The following RGL1 variants were observed in gnomAD, a reference collection of about 807,000 sequenced individuals.
RGL1 encodes ral guanine nucleotide dissociation stimulator-like 1.
In RGL1, 24 loss-of-function variants were observed where a neutral mutation model predicts 95.2. That is an observed-to-expected ratio of 0.25 (90% confidence interval 0.18 to 0.35). The LOEUF is 0.35. RGL1 is among the 10% of genes least tolerant of loss of function. The probability of loss-of-function intolerance (pLI) is 1.00; values close to 1 mark genes in which losing one functional copy is unlikely to be tolerated. For synonymous variants in RGL1, 329 were observed against 344.9 expected, an observed-to-expected ratio of 0.95 and a Z score of 0.51; for missense variants, 715 against 936.3, an observed-to-expected ratio of 0.76 and a Z score of 3.08.
intron 12 of RGL1, 39 bp downstream of exon 12, chr1:183,902,639 A>G (rs1379372394): frequency 1.3e-6 from 2 of 1,583,482 alleles, no homozygotes; most frequent in Non-Finnish European, 1.7e-6. Context: ...TTGTCTGAGC[A>G]TGAAAAAAAT....
chr1:183,758,265 T>C (rs6424910), intron 2 of RGL1, among the ~76,000 whole-genome samples: 67,389 of 151,436 alleles, frequency 0.45, 16,049 homozygotes, highest in East Asian at 0.8. Flanking sequence ...GGCACGATCT[T>C]GGTTCACTGC....
intron 1 of RGL1, among the ~76,000 whole-genome samples, chr1:183,695,166 C>G (rs1654181052): frequency 6.6e-6 from 1 of 152,248 alleles, no homozygotes; most frequent in African/African-American, 2.4e-5. Flanking sequence ...CCCCCAAAAG[C>G]TTCCAGGAAA....
intron 1 of RGL1, among the ~76,000 whole-genome samples, chr1:183,658,238 GC>G (rs1313374470): frequency 6.6e-6 from 1 of 152,212 alleles, no homozygotes. Context: ...CCATGCGCCA[GC>G]CGAAGCAGGG....
In RGL1 at chr1:183,700,910, CT is replaced by C. The variant is rs1236360476; in HGVS notation, c.-32-41215del. On this transcript the variant is annotated intron_variant, in intron 1 of 18. Coordinates refer to the RGL1 transcript ENST00000304685. ...CCTAATGCTCTCCCTTTCCTTCCCC[CT>C]GAGCCCCTGACAGGCCCCGGTGTGT... 3.9e-5 allele frequency among the ~76,000 whole-genome samples: 6 copies of C among 152,244 alleles called. No individual in the cohort carries two copies. In the East Asian group the frequency reaches 1.2e-3, roughly 29 times the overall value.
At chr1:183,863,143 G>GGAGGCTGGT (rs1665613507) in intron 3 of RGL1, among the ~76,000 whole-genome samples, 2 of 152,090 alleles carry the variant, frequency 1.3e-5, no homozygotes, top group Non-Finnish European at 2.9e-5. Flanking sequence ...GGAGCAGGGA[G>GGAGGCTGGT]GAGGCTGGTG....
At chr1:183,782,563 T>A (rs1235963256) in intron 2 of RGL1, among the ~76,000 whole-genome samples, 1 of 152,196 alleles carries the variant, frequency 6.6e-6, no homozygotes, top group African/African-American at 2.4e-5. Flanking sequence ...CACTACATAT[T>A]TTTATGGCTG....
chr1:183,765,894 A>T (rs1658936603), intron 2 of RGL1, among the ~76,000 whole-genome samples: 1 of 152,194 alleles, frequency 6.6e-6, no homozygotes, highest in Admixed American at 6.5e-5. Context: ...ATTTTTACTA[A>T]TAACATATTG....
At chr1:183,714,417 C>T (rs2102185281) in intron 1 of RGL1, among the ~76,000 whole-genome samples, 1 of 152,274 alleles carries the variant, frequency 6.6e-6, no homozygotes, top group East Asian at 1.9e-4. Flanking sequence ...TCTAGCTTTG[C>T]CAGCATGCAC....
intron 11 of RGL1, among the ~76,000 whole-genome samples, chr1:183,902,248 GTA>G (rs1668070104): frequency 6.6e-6 from 1 of 152,196 alleles, no homozygotes; most frequent in Non-Finnish European, 1.5e-5. Flanking sequence ...GGAAAAAAGT[GTA>G]ATGGAATATT....
chr1:183,808,258 C>A (rs945944669), intron 2 of RGL1, among the ~76,000 whole-genome samples: 3 of 152,232 alleles, frequency 2.0e-5, no homozygotes, highest in Admixed American at 2.0e-4. Flanking sequence ...TCTCTCCCTT[C>A]TCTCAGTGTT....
chr1:183,692,957 A>AAT (rs1553271232), intron 1 of RGL1, among the ~76,000 whole-genome samples: 7 of 145,360 alleles, frequency 4.8e-5, no homozygotes, highest in African/African-American at 1.8e-4. Flanking sequence ...GATAAAAAAA[A>AAT]TTTTTTTTTT....
chr1:183,921,187 A>T (rs1487597859), intron 16 of RGL1, among the ~76,000 whole-genome samples: 1 of 152,224 alleles, frequency 6.6e-6, no homozygotes. Context: ...GAACATCAGA[A>T]TTGGGGACGA....
intron 3 of RGL1, among the ~76,000 whole-genome samples, chr1:183,849,482 AGTTTTTT>A (rs1244283737): frequency 0.041 from 4,093 of 99,390 alleles, 117 homozygotes; most frequent in African/African-American, 0.1. Flanking sequence ...TCCAGTTTTT[AGTTTTTT>A]TTTTTTTTTT....
At chr1:183,838,283 G>A (rs1350610019) in intron 2 of RGL1, among the ~76,000 whole-genome samples, 4 of 152,170 alleles carry the variant, frequency 2.6e-5, no homozygotes, top group South Asian at 4.1e-4. Context: ...AAGACTCCAG[G>A]AGTACTACTC....
intron 16 of RGL1, among the ~76,000 whole-genome samples, chr1:183,917,846 G>A (rs891099870): frequency 1.2e-4 from 19 of 152,356 alleles, no homozygotes; most frequent in African/African-American, 4.3e-4. Context: ...CTTTTAAGTA[G>A]TGATGGGATT....
intron 1 of RGL1, among the ~76,000 whole-genome samples, chr1:183,704,513 G>A (rs902738736): frequency 1.3e-5 from 2 of 152,190 alleles, no homozygotes; most frequent in African/African-American, 4.8e-5. Flanking sequence ...TGTCCTTGAT[G>A]TAGGAAGGAG....
intron 2 of RGL1, among the ~76,000 whole-genome samples, chr1:183,819,177 A>G (rs933009733): frequency 6.6e-6 from 1 of 152,178 alleles, no homozygotes; most frequent in Non-Finnish European, 1.5e-5. Flanking sequence ...ACTTGCATTG[A>G]CCCACTGTCA....
intron 11 of RGL1, among the ~76,000 whole-genome samples, chr1:183,901,305 A>C (rs1295535711): frequency 6.6e-6 from 1 of 152,024 alleles, no homozygotes; most frequent in Non-Finnish European, 1.5e-5. Flanking sequence ...TCTCAAAAAA[A>C]AGAAAAAGAA....
At chr1:183,761,720 G>A (rs1658674232) in intron 2 of RGL1, among the ~76,000 whole-genome samples, 1 of 152,198 alleles carries the variant, frequency 6.6e-6, no homozygotes, top group African/African-American at 2.4e-5. Context: ...AGCTATGATA[G>A]TCCAAAACGG....
Sources: allele counts gnomAD v4.1 joint callset (sites outside exome capture counted in the v4.1 genomes callset), GRCh38; gene constraint gnomAD v4.1.1; transcripts MANE v1.5; gene names NCBI Gene and HGNC (gene_info 2026-07-23, HGNC 2026-07-21).